The following LUZP2 variants were observed in gnomAD, a reference collection of about 807,000 sequenced individuals.
LUZP2 encodes the protein leucine zipper protein 2.
Under a neutral mutation model 51.6 loss-of-function variants are expected in LUZP2, and 52 were observed. That is an observed-to-expected ratio of 1.01 (90% CI 0.81 to 1.27). LUZP2 has a LOEUF of 1.27. Among genes scored for constraint, LUZP2 ranks in the 50% most tolerant of loss-of-function variants. LUZP2 has a pLI of 0.00. For missense variants in LUZP2, 436 were observed against 395.4 expected (o/e 1.10, Z -0.87); for synonymous variants, 154 against 137.3 (o/e 1.12, Z -0.85).
intron 1 of LUZP2, among the ~76,000 whole-genome samples, chr11:24,668,598 T>C (rs1357834873): frequency 6.6e-6 from 1 of 152,142 alleles, no homozygotes; most frequent in Non-Finnish European, 1.5e-5. Context: ...TGGCCAAAAG[T>C]ATGAAATCCT....
rs117905935 is a variant in LUZP2, at chr11:24,542,110, G to A, written c.62+44805G>A. ...TCCCTAACAGTGATACTTATTGGAA[G>A]GAGAGTCTGCTAGGAAGCTAGAGAT... On this transcript the variant is annotated intron_variant, in intron 1 of 11. Transcript: ENST00000336930. Among the ~76,000 whole-genome samples, 140 of 152,188 alleles carry A rather than the reference G, an allele frequency of 9.2e-4. 1 individual carries two copies. The East Asian group carries it at 0.019, about 21-fold the overall frequency.
chr11:24,795,770 T>C (rs1849529265), intron 5 of LUZP2, among the ~76,000 whole-genome samples: 1 of 152,106 alleles, frequency 6.6e-6, no homozygotes, highest in African/African-American at 2.4e-5. Flanking sequence ...AACCCTAGTC[T>C]ATAGTAAGAT....
intron 1 of LUZP2, among the ~76,000 whole-genome samples, chr11:24,658,561 C>A (rs976396618): frequency 9.9e-5 from 15 of 152,048 alleles, no homozygotes; most frequent in African/African-American, 3.1e-4. Flanking sequence ...CAACAAAAGC[C>A]AAAATTGACA....
intron 1 of LUZP2, among the ~76,000 whole-genome samples, chr11:24,619,356 A>G (rs1433297072): frequency 6.6e-6 from 1 of 152,078 alleles, no homozygotes; most frequent in Non-Finnish European, 1.5e-5. Context: ...TTTAAATCAG[A>G]TTTCTTTTAC....
chr11:24,562,567 T>G (rs1488199090), intron 1 of LUZP2, among the ~76,000 whole-genome samples: 1 of 151,472 alleles, frequency 6.6e-6, no homozygotes, highest in African/African-American at 2.4e-5. Flanking sequence ...TAAAGAAAGG[T>G]TATAGGCCGG....
chr11:24,615,162 T>C (rs1194714560), intron 1 of LUZP2, among the ~76,000 whole-genome samples: 1 of 152,018 alleles, frequency 6.6e-6, no homozygotes, highest in Non-Finnish European at 1.5e-5. Flanking sequence ...AGAAATTCCA[T>C]GTACCTTCAC....
chr11:24,583,451 G>A (rs1012832878), intron 1 of LUZP2, among the ~76,000 whole-genome samples: 5 of 152,120 alleles, frequency 3.3e-5, no homozygotes, highest in Admixed American at 6.5e-5. Flanking sequence ...CTGGGAGGTC[G>A]CTGGGTTGTG....
intron 1 of LUZP2, among the ~76,000 whole-genome samples, chr11:24,588,694 C>T (rs935215314): frequency 6.6e-6 from 1 of 151,644 alleles, no homozygotes; most frequent in Non-Finnish European, 1.5e-5. Context: ...TGAATAATAG[C>T]TTCTTTGTGT....
intron 5 of LUZP2, among the ~76,000 whole-genome samples, chr11:24,885,186 A>G (rs1852630375): frequency 6.6e-6 from 1 of 152,092 alleles, no homozygotes. Context: ...TAAAATAATA[A>G]TGCCTTATAA....
Position 24,674,711 on chromosome 11 carries a change from A to G in LUZP2, c.63-54458A>G, listed in dbSNP as rs1050702110. ...TACTGCCCATGGACACAGAGAAGAAAAAAAAAGTCTGTGAGATTTCCTATC... is the reference window on the plus strand; with the variant it reads ...TACTGCCCATGGACACAGAGAAGAAGAAAAAAGTCTGTGAGATTTCCTATC... On this transcript the variant is annotated intron_variant, in intron 1 of 11. Coordinates refer to ENST00000336930, the MANE Select transcript of LUZP2 (RefSeq NM_001009909.4). Among the ~76,000 whole-genome samples, 85 of 149,836 alleles carry G rather than the reference A, an allele frequency of 5.7e-4. No homozygotes were observed. The Middle Eastern group carries it at 0.014, about 24-fold the overall frequency.
intron 1 of LUZP2, among the ~76,000 whole-genome samples, chr11:24,554,217 G>T (rs1486740935): frequency 1.3e-5 from 2 of 152,076 alleles, no homozygotes; most frequent in Non-Finnish European, 2.9e-5. Context: ...ATTTTCTAAG[G>T]AGCTGCTTTC....
chr11:24,793,765 A>G (rs1849471073), intron 5 of LUZP2, among the ~76,000 whole-genome samples: 1 of 152,246 alleles, frequency 6.6e-6, no homozygotes, highest in East Asian at 1.9e-4. Flanking sequence ...TTTCTGTATC[A>G]TTCCCTCAGT....
intron 1 of LUZP2, among the ~76,000 whole-genome samples, chr11:24,621,820 CT>C (rs1375237899): frequency 6.6e-6 from 1 of 152,090 alleles, no homozygotes; most frequent in Non-Finnish European, 1.5e-5. Flanking sequence ...TTGCTTAAGT[CT>C]GCAAAAAGAA....
chr11:24,658,725 C>T (rs566878035), intron 1 of LUZP2, among the ~76,000 whole-genome samples: 115 of 151,962 alleles, frequency 7.6e-4, no homozygotes, highest in African/African-American at 2.7e-3. Context: ...AACAAATTTA[C>T]AAGAAAAAAA....
chr11:24,845,623 A>G (rs1851175282), intron 5 of LUZP2, among the ~76,000 whole-genome samples: 1 of 152,178 alleles, frequency 6.6e-6, no homozygotes, highest in South Asian at 2.1e-4. Context: ...GTGTCAAGGA[A>G]GGAACTCAGT....
At chr11:24,944,196 G>A (rs931911813) in intron 7 of LUZP2, among the ~76,000 whole-genome samples, 1 of 152,090 alleles carries the variant, frequency 6.6e-6, no homozygotes, top group African/African-American at 2.4e-5. Context: ...TGTCTGAGAA[G>A]GGGTCAAAGG....
chr11:24,737,501 T>TAAAAAAA (rs74313884), intron 3 of LUZP2, among the ~76,000 whole-genome samples: 35,329 of 149,720 alleles, frequency 0.24, 4,647 homozygotes, highest in East Asian at 0.54. Context: ...ATAGCTCGAG[T>TAAAAAAA]AAAAAAAAAT....
intron 4 of LUZP2, among the ~76,000 whole-genome samples, chr11:24,753,311 A>T (rs555482307): frequency 2.6e-5 from 4 of 152,170 alleles, no homozygotes; most frequent in Non-Finnish European, 5.9e-5. Context: ...AGAAGCTTCC[A>T]TGCGCTCGCT....
At chr11:24,849,900 C>T (rs1851334130) in intron 5 of LUZP2, among the ~76,000 whole-genome samples, 2 of 152,048 alleles carry the variant, frequency 1.3e-5, no homozygotes, top group South Asian at 4.1e-4. Flanking sequence ...TTTCTTCATA[C>T]ATTTGTTGGC....
Sources: gnomAD v4.1 joint callset for allele counts (sites outside exome capture counted in the v4.1 genomes callset) on GRCh38, gnomAD v4.1.1 for gene constraint, MANE v1.5 for transcripts, NCBI Gene and HGNC (gene_info 2026-07-23, HGNC 2026-07-21) for gene names.